TIMMDC1: variants seen among roughly 807,000 people sequenced by gnomAD.
TIMMDC1 encodes complex I assembly factor TIMMDC1, mitochondrial.
TIMMDC1 carries 25 observed loss-of-function variants against 32.6 expected under a neutral mutation model. That is an observed-to-expected ratio of 0.77 (90% CI 0.56 to 1.07). The LOEUF (loss-of-function observed/expected upper bound fraction) is 1.07. TIMMDC1 is among the 50% of genes least tolerant of loss of function. The pLI is 0.00. For missense variants in TIMMDC1, 329 were observed against 349.2 expected, an observed-to-expected ratio of 0.94 and a Z score of 0.46; for synonymous variants, 130 against 127.6, an observed-to-expected ratio of 1.02 and a Z score of -0.13.
chr3:119,514,014 A>T (rs2081970740), intron 5 of TIMMDC1, among the ~76,000 whole-genome samples: 1 of 152,220 alleles, frequency 6.6e-6, no homozygotes, highest in African/African-American at 2.4e-5. Context: ...TTTACCAGCT[A>T]AAACTGTTTA....
Position 119,504,091 on chromosome 3 carries a change from A to G in TIMMDC1, c.517+70A>G, listed in dbSNP as rs572408380. The G allele has an allele frequency of 2.7e-5, 32 of 1,173,422 alleles. No homozygotes were observed. In the African/African-American group the frequency reaches 3.9e-4, roughly 14 times the overall value. The allele number at this position is 1,173,422 out of a possible 1,614,324, so 72.7% of individuals were successfully genotyped here. A position where few individuals can be genotyped will look rare whatever the true frequency, so the allele number is the denominator to read the frequency against. On this transcript the variant is annotated intron_variant, in intron 4 of 6. Coordinates refer to ENST00000494664, the MANE Select transcript of TIMMDC1 (RefSeq NM_016589.4). ...TTAGAAAATGTGTAAGGACTTATAC[A>G]TCAGAACTACTGAATTCTTTGGTTG...
At chr3:119,517,112 C>T in intron 5 of TIMMDC1, 93 bp from the exon 6 acceptor site, 1 of 700,608 alleles carries the variant, frequency 1.4e-6, no homozygotes, top group Admixed American at 2.3e-5. Context: ...GAACAAGTGG[C>T]TCTGGTGTTG....
chr3:119,501,824 T>C (rs368318930), intron 2 of TIMMDC1, among the ~76,000 whole-genome samples: 82 of 152,336 alleles, frequency 5.4e-4, no homozygotes, highest in African/African-American at 2.0e-3. Flanking sequence ...TTGTCTTTCA[T>C]GGCCTTGACT....
chr3:119,498,599 C>G lies in TIMMDC1; in HGVS notation c.-135C>G, dbSNP rs1489556592. On this transcript the variant is annotated 5_prime_UTR_variant, in exon 1 of 7. Coordinates refer to ENST00000494664, the MANE Select transcript of TIMMDC1 (RefSeq NM_016589.4). ...GGCCGGGGACTGAAGGTGTGGGTGT[C>G]GAGCCCTCTGGCAGAGGGTTAACCT... The G allele has an allele frequency of 2.5e-5, 20 of 810,754 alleles. No homozygotes were observed. Among genetic ancestry groups the G allele is most frequent in the Non-Finnish European group, 2.8e-5 (14 of 507,000 alleles). 50.2% of individuals were successfully genotyped at this position (810,754 alleles called of 1,614,324 possible).
rs139676898 is a variant in TIMMDC1 at position 119,514,879 on chromosome 3, C to T, written c.596+1160C>T. 8.4e-4 allele frequency among the ~76,000 whole-genome samples: 128 copies of T among 152,168 alleles called. No individual in the cohort carries two copies. The East Asian group carries it at 0.02, about 24-fold the overall frequency. On this transcript the variant is annotated intron_variant, in intron 5 of 6. Coordinates refer to ENST00000494664, the MANE Select transcript of TIMMDC1 (RefSeq NM_016589.4). Reference sequence around the variant, plus strand: ...GGAAGAATCTGTTTCCAAGCTCATTCAGGTTGTTGACAGAATTTAGTTCCT... The same window carrying T: ...GGAAGAATCTGTTTCCAAGCTCATTTAGGTTGTTGACAGAATTTAGTTCCT...
Position 119,498,567 on chromosome 3 carries a change from A to C in TIMMDC1, c.-167A>C. 1 of 656,286 alleles carries C rather than the reference A, an allele frequency of 1.5e-6. No individual in the cohort carries two copies. Among genetic ancestry groups the C allele is most frequent in the Non-Finnish European group, 2.6e-6 (1 of 385,548 alleles). The allele number at this position is 656,286 out of a possible 1,614,324, so 40.7% of individuals were successfully genotyped here. ...CCTGTGTCGTATTTCCAAGGACTCC[A>C]AAGCGAGGCCGGGGACTGAAGGTGT... On this transcript the variant is annotated 5_prime_UTR_variant, in exon 1 of 7. Transcript: ENST00000494664.
Position 119,498,881 on chromosome 3 carries a change from T to C in TIMMDC1, c.148T>C (p.Tyr50His), listed in dbSNP as rs745875864. ...GCTTCCCTACGTCCCAGAGCCCTAT[T>C]ACCCGGAATCTGGATGGGACCGCCT... ...KRLPYVPEPY[Y>H]PESGWDRLRE... The change falls in exon 1 of 7, where the codon TAC becomes CAC. Residue 50 changes from tyrosine (Y) to histidine (H), a missense_variant. Physicochemically the swap from Tyr to His is moderately conservative, Grantham distance 83 (BLOSUM62 2). Transcript: ENST00000494664. The C allele has an allele frequency of 2.4e-5, 39 of 1,613,966 alleles. No homozygotes were observed. The highest frequency in any genetic ancestry group is 3.3e-5 in the Non-Finnish European group (39 of 1,179,980).
chr3:119,513,946 A>G (rs1393553125), intron 5 of TIMMDC1, among the ~76,000 whole-genome samples: 3 of 152,216 alleles, frequency 2.0e-5, no homozygotes, highest in Non-Finnish European at 4.4e-5. Context: ...AGTTATTACA[A>G]TAAATAACAT....
At chr3:119,507,770 G>C (rs2081927179) in intron 4 of TIMMDC1, among the ~76,000 whole-genome samples, 1 of 152,172 alleles carries the variant, frequency 6.6e-6, no homozygotes, top group South Asian at 2.1e-4. Context: ...AGGAATTATG[G>C]TAAATAGGTC....
chr3:119,518,520 C>G (rs1464264073), intron 6 of TIMMDC1, among the ~76,000 whole-genome samples: 3 of 149,828 alleles, frequency 2.0e-5, no homozygotes, highest in Admixed American at 1.3e-4. Context: ...CGCCACTGCA[C>G]TCCAGCCTGG....
chr3:119,505,775 A>G (rs866693930), intron 4 of TIMMDC1, among the ~76,000 whole-genome samples: 36 of 152,240 alleles, frequency 2.4e-4, no homozygotes, highest in African/African-American at 8.0e-4. Context: ...AGACTTAGCC[A>G]TTGTTAACAA....
chr3:119,499,092 C>CTTTTTTTTTTTTTTTTTTTTTTTT (rs11317621), intron 1 of TIMMDC1, 165 bp downstream of exon 1: 1 of 378,092 alleles, frequency 2.6e-6, no homozygotes, highest in Non-Finnish European at 4.7e-6. Flanking sequence ...TTTTTTCTTT[C>CTTTTTTTTTTTTTTTTTTTTTTTT]TTTTTTTTTT....
intron 1 of TIMMDC1, 71 bp from the exon 2 acceptor site, chr3:119,500,624 G>T: frequency 7.1e-7 from 1 of 1,415,294 alleles, no homozygotes. Context: ...GGTTAATTCT[G>T]ATTATAGAGT....
chr3:119,517,072 T>C, intron 5 of TIMMDC1, 133 bp from the exon 6 acceptor site: 1 of 514,310 alleles, frequency 1.9e-6, no homozygotes. Context: ...AAGGACACTT[T>C]AATTCTCAAA....
intron 6 of TIMMDC1, 52 bp downstream of exon 6, chr3:119,517,367 A>G (rs748420754): frequency 2.5e-6 from 3 of 1,178,910 alleles, no homozygotes; most frequent in East Asian, 2.3e-5. Context: ...CCCAGGCCTT[A>G]TATAGTGGTG....
chr3:119,498,954 G>C (rs780210280), intron 1 of TIMMDC1, 27 bp downstream of exon 1: 5 of 1,608,550 alleles, frequency 3.1e-6, no homozygotes, highest in Admixed American at 3.4e-5. Context: ...TGTGAAGTGG[G>C]GTAGGGGGCC....
chr3:119,500,659 C>T, intron 1 of TIMMDC1, 36 bp from the exon 2 acceptor site: 1 of 1,591,706 alleles, frequency 6.3e-7, no homozygotes, highest in Non-Finnish European at 8.6e-7. Context: ...TGTCCATAAA[C>T]TAATCCCAAA....
chr3:119,506,235 G>C (rs1967621), intron 4 of TIMMDC1, among the ~76,000 whole-genome samples: 123,136 of 152,218 alleles, frequency 0.81, 49,887 homozygotes, highest in East Asian at 0.87. Context: ...TGTTAAATGT[G>C]AAAACCAGGC....
At chr3:119,504,261 G>A (rs16829888) in intron 4 of TIMMDC1, among the ~76,000 whole-genome samples, 16,125 of 152,184 alleles carry the variant, frequency 0.11, 2,099 homozygotes, top group African/African-American at 0.31. Context: ...GATAATACAG[G>A]TTGTTGTGAT....
Sources: gnomAD v4.1 joint callset for allele counts (sites outside exome capture counted in the v4.1 genomes callset) on GRCh38, gnomAD v4.1.1 for gene constraint, MANE v1.5 for transcripts, NCBI Gene and HGNC (gene_info 2026-07-23, HGNC 2026-07-21) for gene names.